The following DSE variants were observed in gnomAD, a reference collection of about 807,000 sequenced individuals.
The protein encoded by DSE is dermatan-sulfate epimerase.
In DSE, 36 loss-of-function variants were observed where a neutral mutation model predicts 84.4. The ratio of observed to expected loss-of-function variants is 0.43; its 90% confidence interval spans 0.33 to 0.56. The LOEUF is 0.56. DSE is among the 20% of genes least tolerant of loss of function. The pLI, the probability that DSE is intolerant of heterozygous loss-of-function variation, is 0.06. For synonymous variants in DSE, 410 were observed against 430.1 expected (o/e 0.95, Z 0.58); for missense variants, 862 against 1,169.6 (o/e 0.74, Z 3.84).
rs200464937 is a variant in DSE, at chr6:116,273,967, T to C, written c.-54+15000T>C. Among the ~76,000 whole-genome samples, 4 of 151,432 alleles carry C rather than the reference T, an allele frequency of 2.6e-5. No individual in the cohort carries two copies. In the East Asian group the frequency reaches 8.0e-4, roughly 30 times the overall value. On this transcript the variant is annotated intron_variant, in intron 2 of 3. Transcript: ENST00000430252. The stretch of plus-strand genomic sequence containing the variant: ...GCCTCAGCCTCCCGAGTAGCTGGAA[T>C]TACAGGCGCCTGCCACCACACCCAG...
At position 116,440,464 on chromosome 6, in the gene DSE, A is replaced by C. The variant is rs974655672; in HGVS notation, c.*3119A>C. On this transcript the variant is annotated 3_prime_UTR_variant, in exon 6 of 6. Coordinates refer to ENST00000644252, the MANE Select transcript of DSE (RefSeq NM_013352.4). ...AGGCATAGGTCATCATGCCCGGCCA[A>C]GTTAAAAAAATTTTTGATAGTTCAC... 1 of 152,176 alleles carries C rather than the reference A, an allele frequency of 6.6e-6. No homozygotes were observed. Among genetic ancestry groups the C allele is most frequent in the African/African-American group, 2.4e-5 (1 of 41,436 alleles). The allele number at this position is 152,176 out of a possible 1,614,324, so 9.4% of individuals were successfully genotyped here. A position where few individuals can be genotyped will look rare whatever the true frequency, so the allele number is the denominator to read the frequency against.
At chr6:116,396,252 G>A (rs1416001093) in intron 1 of DSE, among the ~76,000 whole-genome samples, 4 of 152,182 alleles carry the variant, frequency 2.6e-5, no homozygotes, top group Non-Finnish European at 5.9e-5. Flanking sequence ...GTGAGGCATT[G>A]CATGTAAACA....
chr6:116,354,402 C>A (rs1214695516), intron 2 of DSE, among the ~76,000 whole-genome samples: 2 of 152,106 alleles, frequency 1.3e-5, no homozygotes, highest in East Asian at 3.8e-4. Flanking sequence ...AACAGAGTCA[C>A]CCCCTCATGC....
intron 1 of DSE, among the ~76,000 whole-genome samples, chr6:116,392,305 G>A (rs954290420): frequency 2.0e-5 from 3 of 152,198 alleles, no homozygotes; most frequent in Admixed American, 2.0e-4. Flanking sequence ...ATGAGCAAGC[G>A]AGTCACAGTG....
chr6:116,286,218 C>T (rs193127316), intron 2 of DSE, among the ~76,000 whole-genome samples: 9 of 152,184 alleles, frequency 5.9e-5, no homozygotes, highest in Admixed American at 5.9e-4. Flanking sequence ...TTGTAGTTCT[C>T]CTTGAAGAGG....
intron 2 of DSE, chr6:116,279,266 G>A: frequency 6.2e-7 from 1 of 1,605,140 alleles, no homozygotes; most frequent in Non-Finnish European, 8.5e-7. Context: ...ACCTCCATCT[G>A]CTCCTCCATT....
intron 2 of DSE, among the ~76,000 whole-genome samples, chr6:116,262,333 A>G (rs1772446095): frequency 6.6e-6 from 1 of 151,984 alleles, no homozygotes; most frequent in Admixed American, 6.6e-5. Context: ...GTTTCTTCCT[A>G]GTTAAGTCTT....
intron 2 of DSE, among the ~76,000 whole-genome samples, chr6:116,335,410 A>G (rs1328466526): frequency 6.6e-6 from 1 of 152,188 alleles, no homozygotes; most frequent in Non-Finnish European, 1.5e-5. Flanking sequence ...GTGTTAGGAA[A>G]AATAACTCAT....
chr6:116,415,546 CT>C (rs11382623), intron 2 of DSE, among the ~76,000 whole-genome samples: 5 of 138,208 alleles, frequency 3.6e-5, no homozygotes, highest in African/African-American at 2.7e-5. Flanking sequence ...TTTTTTCTTT[CT>C]TTTTTTTTTC....
At position 116,437,632 on chromosome 6, in the gene DSE, A is replaced by T. The variant is rs472762; in HGVS notation, c.*287A>T. On this transcript the variant is annotated 3_prime_UTR_variant, in exon 6 of 6. Coordinates refer to ENST00000644252, the MANE Select transcript of DSE (RefSeq NM_013352.4). The stretch of plus-strand genomic sequence containing the variant: ...TACTTTTAGAAGAAACAAAAAGTCT[A>T]TTTTTTAAAGTAATGTTTTTTCTTA... 4.2e-6 allele frequency: 1 copy of T among 237,562 alleles called. No homozygotes were observed. 14.7% of individuals were successfully genotyped at this position (237,562 alleles called of 1,614,324 possible).
At chr6:116,400,236 A>G (rs1439069013) in intron 2 of DSE, 1 of 152,214 alleles carries the variant, frequency 6.6e-6, no homozygotes, top group African/African-American at 2.4e-5. Context: ...TCGAAGTTTA[A>G]GATTTGAGAA....
At chr6:116,303,747 A>G (rs936586325) in intron 2 of DSE, among the ~76,000 whole-genome samples, 1 of 152,158 alleles carries the variant, frequency 6.6e-6, no homozygotes, top group African/African-American at 2.4e-5. Flanking sequence ...AGCAAAAACC[A>G]TATCCTGAAG....
At chr6:116,392,325 G>A (rs1020756680) in intron 1 of DSE, among the ~76,000 whole-genome samples, 2 of 152,148 alleles carry the variant, frequency 1.3e-5, no homozygotes, top group African/African-American at 2.4e-5. Flanking sequence ...GCCTAACCTC[G>A]GCAACATCTG....
intron 2 of DSE, among the ~76,000 whole-genome samples, chr6:116,330,172 C>T (rs1052413516): frequency 3.3e-5 from 5 of 152,144 alleles, no homozygotes; most frequent in Non-Finnish European, 4.4e-5. Flanking sequence ...TTTGCATTTT[C>T]AGCTAAAATA....
intron 1 of DSE, among the ~76,000 whole-genome samples, chr6:116,380,987 T>C (rs1343133218): frequency 6.6e-6 from 1 of 152,198 alleles, no homozygotes; most frequent in Non-Finnish European, 1.5e-5. Context: ...TAAATTTCAG[T>C]TGTACTTTGT....
At chr6:116,387,391 A>G (rs1407668968) in intron 1 of DSE, among the ~76,000 whole-genome samples, 2 of 152,206 alleles carry the variant, frequency 1.3e-5, no homozygotes, top group Admixed American at 1.3e-4. Flanking sequence ...GGTTTGAGAA[A>G]ATGTAGTGAA....
intron 2 of DSE, among the ~76,000 whole-genome samples, chr6:116,297,758 G>A (rs9488890): frequency 0.024 from 3,668 of 152,282 alleles, 153 homozygotes; most frequent in African/African-American, 0.079. Flanking sequence ...TCTAGAAAGA[G>A]GTGGCATTTC....
chr6:116,410,449 A>G (rs1016244138), intron 2 of DSE, among the ~76,000 whole-genome samples: 5 of 152,194 alleles, frequency 3.3e-5, no homozygotes, highest in African/African-American at 1.2e-4. Flanking sequence ...AAAAAAATCT[A>G]CAGGCCGAGC....
intron 2 of DSE, chr6:116,279,812 C>T: frequency 6.2e-7 from 1 of 1,613,018 alleles, no homozygotes; most frequent in Non-Finnish European, 8.5e-7. Context: ...GTCCTCTTGA[C>T]CCCATCCAGG....
Sources: allele counts gnomAD v4.1 joint callset (sites outside exome capture counted in the v4.1 genomes callset), GRCh38; gene constraint gnomAD v4.1.1; transcripts MANE v1.5; gene names NCBI Gene and HGNC (gene_info 2026-07-23, HGNC 2026-07-21).